The following FREM3 variants were observed in gnomAD, a reference collection of about 807,000 sequenced individuals.
The protein encoded by FREM3 is FRAS1 related extracellular matrix 3.
In FREM3, 105 loss-of-function variants were observed where a neutral mutation model predicts 129.1. That is an observed-to-expected ratio of 0.81 (90% CI 0.69 to 0.96). The LOEUF is 0.96. Among genes scored for constraint, FREM3 ranks in the 40% least tolerant of loss-of-function variants. FREM3 has a pLI of 0.00. For missense variants in FREM3, 2,593 were observed against 2,666.3 expected (o/e 0.97, Z 0.61); for synonymous variants, 1,014 against 1,044.9 (o/e 0.97, Z 0.57).
chr4:143,696,058 A>T lies in FREM3; in HGVS notation c.4618T>A (p.Leu1540Met), dbSNP rs746434901. The change falls in exon 1 of 8, where the codon TTG becomes ATG. Residue 1540 changes from leucine to methionine, a missense_variant. Physicochemically the swap from Leu to Met is conservative, Grantham distance 15. Around this residue, in one of 2 missense-constraint regions of FREM3, gnomAD observed 2,276 missense variants for 2,267.2 expected, o/e 1.00. Transcript: ENST00000329798. ...TGTAGTGTTAGTCTATGGATGGTCAAGATAGGTTTCTTATTATCCACATCA... is the reference window on the plus strand; with the variant it reads ...TGTAGTGTTAGTCTATGGATGGTCATGATAGGTTTCTTATTATCCACATCA... ...ITDVDNKKPI[L>M]TIHRLTLQKE... 1.2e-4 allele frequency: 184 copies of T among 1,537,572 alleles called. No homozygotes were observed. Among genetic ancestry groups the T allele is most frequent in the Non-Finnish European group, 1.5e-4 (177 of 1,147,018 alleles).
chr4:143,663,271 C>A (rs548294858), intron 2 of FREM3, among the ~76,000 whole-genome samples: 103 of 152,176 alleles, frequency 6.8e-4, no homozygotes, highest in African/African-American at 2.3e-3. Flanking sequence ...TCTTTTAGGG[C>A]AGGCCTGGTG....
intron 5 of FREM3, among the ~76,000 whole-genome samples, chr4:143,616,434 T>C (rs1250259239): frequency 2.0e-5 from 3 of 152,174 alleles, no homozygotes; most frequent in Non-Finnish European, 4.4e-5. Flanking sequence ...GAGAATCTTT[T>C]TTAAAAGGAA....
chr4:143,700,002 C>A lies in FREM3; in HGVS notation c.674G>T (p.Arg225Leu), dbSNP rs954380930. Residue 225 changes from arginine (R) to leucine (L), a missense_variant, in exon 1 of 8, where the codon CGC (arginine) becomes CTC (leucine). Physicochemically the swap from Arg to Leu is moderately radical, Grantham distance 102. This residue lies in a region of FREM3 where 2,276 missense variants were observed against 2,267.2 expected (regional missense o/e 1.00). Coordinates refer to ENST00000329798, the MANE Select transcript of FREM3 (RefSeq NM_001168235.2). ...HEDGPLPKYGRLVDAVGAPLP... is the reference protein window; with the variant it reads ...HEDGPLPKYGLLVDAVGAPLP... ...AGGGGCCCCCACCGCGTCCACCAAG[C>A]GCCCGTACTTGGGCAGGGGGCCGTC... 2.7e-6 allele frequency: 4 copies of A among 1,501,882 alleles called. No individual in the cohort carries two copies. In the South Asian group the frequency reaches 3.8e-5, roughly 14 times the overall value. 93.0% of individuals were successfully genotyped at this position (1,501,882 alleles called of 1,614,324 possible).
rs1024207090 is a variant in FREM3 at position 143,700,530 on chromosome 4, C to G, written c.146G>C (p.Arg49Pro). 44 of 1,519,140 alleles carry G rather than the reference C, an allele frequency of 2.9e-5. No individual in the cohort carries two copies. Among genetic ancestry groups the G allele is most frequent in the Non-Finnish European group, 3.6e-5 (41 of 1,136,788 alleles). 94.1% of individuals were successfully genotyped at this position (1,519,140 alleles called of 1,614,324 possible). ...GGGGCGAGTGCCGTCAAGCGCACCC[C>G]GGGCGGGCAGGTAAAGCGCCGGGTC... ...EPDPALYLPA[R>P]GALDGTRPDG... is the part of the protein sequence containing the mutation. Residue 49 changes from arginine (R) to proline (P), a missense_variant, in exon 1 of 8, where the codon CGG becomes CCG. By Grantham distance (103) the Arg-to-Pro change is moderately radical (BLOSUM62 -2). Around this residue, in one of 2 missense-constraint regions of FREM3, gnomAD observed 2,276 missense variants for 2,267.2 expected, o/e 1.00. Coordinates refer to ENST00000329798, the MANE Select transcript of FREM3 (RefSeq NM_001168235.2).
At chr4:143,682,504 G>A (rs1740272372) in intron 2 of FREM3, among the ~76,000 whole-genome samples, 1 of 152,206 alleles carries the variant, frequency 6.6e-6, no homozygotes, top group African/African-American at 2.4e-5. Context: ...GACCCAAGAA[G>A]ATTCTGTATC....
At chr4:143,679,544 A>G (rs966040761) in intron 2 of FREM3, among the ~76,000 whole-genome samples, 1 of 152,242 alleles carries the variant, frequency 6.6e-6, no homozygotes, top group Admixed American at 6.5e-5. Context: ...TAAATCACAC[A>G]AAGGGAAAAT....
chr4:143,665,175 C>T (rs1578859033), intron 2 of FREM3, among the ~76,000 whole-genome samples: 2 of 152,230 alleles, frequency 1.3e-5, no homozygotes, highest in African/African-American at 4.8e-5. Flanking sequence ...CACCCGTCTT[C>T]TGCGTTGCTC....
chr4:143,592,745 T>G (rs571230628), intron 6 of FREM3, among the ~76,000 whole-genome samples: 3 of 152,182 alleles, frequency 2.0e-5, no homozygotes, highest in African/African-American at 7.2e-5. Flanking sequence ...CAAGGAGTAT[T>G]TGTGGCATTC....
intron 2 of FREM3, among the ~76,000 whole-genome samples, chr4:143,663,629 C>A (rs1739787177): frequency 6.6e-6 from 1 of 152,040 alleles, no homozygotes; most frequent in African/African-American, 2.4e-5. Flanking sequence ...TGAATGCTGG[C>A]CTGCCTTTCT....
chr4:143,696,635 A>G lies in FREM3; in HGVS notation c.4041T>C (p.His1347=). ...GTAGAAGCCCTTGTTGAGGCCCAGA[A>G]TGGAGGACAAAACTGAGGCTTTTAT... is the stretch of plus-strand genomic sequence containing the variant. ...SDDKSLSFVL[H]SGPQQGLLQR... is the part of the protein sequence containing the mutation. Residue 1347 remains histidine, a synonymous_variant, in exon 1 of 8, where the codon CAT becomes CAC. Coordinates refer to ENST00000329798, the MANE Select transcript of FREM3 (RefSeq NM_001168235.2). 2 of 1,537,858 alleles carry G rather than the reference A, an allele frequency of 1.3e-6. No individual in the cohort carries two copies. The highest frequency in any genetic ancestry group is 1.7e-6 in the Non-Finnish European group (2 of 1,147,046).
Position 143,624,134 on chromosome 4 carries a change from G to T in FREM3, c.5627C>A (p.Thr1876Lys). 6.5e-7 allele frequency: 1 copy of T among 1,534,484 alleles called. No individual in the cohort carries two copies. Among genetic ancestry groups the T allele is most frequent in the Non-Finnish European group, 8.7e-7 (1 of 1,144,468 alleles). ...ATCTCCAGGGTCTACAATTTCAACC[G>T]TTGCCATTTCTGGAAACTCCAGTAC... ...MAVLEFPEMA[T>K]VEIVDPGDES... The change falls in exon 4 of 8, where the codon ACG becomes AAG. Residue 1876 changes from threonine to lysine, a missense_variant. This residue lies in a region of FREM3 where 317 missense variants were observed against 399.0 expected (regional missense o/e 0.79). Coordinates refer to ENST00000329798, the MANE Select transcript of FREM3 (RefSeq NM_001168235.2).
At chr4:143,598,565 C>A (rs1328869240) in intron 6 of FREM3, among the ~76,000 whole-genome samples, 1 of 152,106 alleles carries the variant, frequency 6.6e-6, no homozygotes, top group African/African-American at 2.4e-5. Context: ...CTCTTCTCCT[C>A]CTTCCTCAAA....
intron 2 of FREM3, among the ~76,000 whole-genome samples, chr4:143,629,982 G>A (rs1306678004): frequency 3.9e-5 from 6 of 152,158 alleles, no homozygotes; most frequent in African/African-American, 7.2e-5. Context: ...AGTGAGAAGG[G>A]TTTAACAATT....
intron 6 of FREM3, chr4:143,602,054 G>A (rs528701488): frequency 1.1e-4 from 17 of 152,142 alleles, no homozygotes; most frequent in South Asian, 2.1e-4. Flanking sequence ...ACATGCTTTC[G>A]TTACAAGATG....
intron 2 of FREM3, among the ~76,000 whole-genome samples, chr4:143,645,753 T>A (rs1179906766): frequency 6.6e-6 from 1 of 152,218 alleles, no homozygotes; most frequent in Non-Finnish European, 1.5e-5. Flanking sequence ...TCAATCTATC[T>A]ACTTATCTAT....
chr4:143,660,247 A>T lies in FREM3; in HGVS notation c.5276-32487T>A, dbSNP rs557608881. 7.7e-4 allele frequency among the ~76,000 whole-genome samples: 117 copies of T among 151,734 alleles called. No individual in the cohort carries two copies. In the East Asian group the frequency reaches 0.02, roughly 26 times the overall value. On this transcript the variant is annotated intron_variant, in intron 2 of 7. Transcript: ENST00000329798. ...ACATTTAAGTCTTTAATCCATCTTG[A>T]ATTAATTTTTGTATAAGGTGTAAGG...
chr4:143,696,580 T>C lies in FREM3; in HGVS notation c.4096A>G (p.Arg1366Gly). Reference protein sequence around the residue: ...QRLRKPRGEVRNNLTLGMNFT... With the variant: ...QRLRKPRGEVGNNLTLGMNFT... ...TTCATTCCCAGAGTAAGATTGTTCC[T>C]CACTTCTCCTCTGGGTTTTCTCAGC... Residue 1366 changes from arginine (R) to glycine (G), a missense_variant, in exon 1 of 8, where the codon AGG becomes GGG. Around this residue, in one of 2 missense-constraint regions of FREM3, gnomAD observed 2,276 missense variants for 2,267.2 expected, o/e 1.00. Coordinates refer to ENST00000329798, the MANE Select transcript of FREM3 (RefSeq NM_001168235.2). The C allele has an allele frequency of 6.5e-7, 1 of 1,537,556 alleles. No individual in the cohort carries two copies. Among genetic ancestry groups the C allele is most frequent in the Non-Finnish European group, 8.7e-7 (1 of 1,146,968 alleles).
At chr4:143,615,127 G>T (rs1316369817) in intron 5 of FREM3, among the ~76,000 whole-genome samples, 1 of 152,134 alleles carries the variant, frequency 6.6e-6, no homozygotes, top group Non-Finnish European at 1.5e-5. Context: ...ACACTAAAGG[G>T]TAATTAAATC....
rs1320254967 is a variant in FREM3, at chr4:143,697,308, G to A, written c.3368C>T (p.Ser1123Leu). The change falls in exon 1 of 8, where the codon TCA becomes TTA. Residue 1123 changes from serine (S) to leucine (L), a missense_variant. This residue lies in a region of FREM3 where 2,276 missense variants were observed against 2,267.2 expected (regional missense o/e 1.00). Transcript: ENST00000329798. Reference protein sequence around the residue: ...PASGYLEKIASAPGSKMSQSG... With the variant: ...PASGYLEKIALAPGSKMSQSG... ...CTGGGACATTTTTGAACCAGGAGCT[G>A]ATGCAATCTTTTCCAGGTAGCCAGA... is the stretch of plus-strand genomic sequence containing the variant. 6.5e-7 allele frequency: 1 copy of A among 1,537,262 alleles called. No homozygotes were observed. Among genetic ancestry groups the A allele is most frequent in the Admixed American group, 2.0e-5 (1 of 50,998 alleles).
Sources: allele counts gnomAD v4.1 joint callset (sites outside exome capture counted in the v4.1 genomes callset), GRCh38; gene constraint gnomAD v4.1.1; regional missense constraint gnomAD v4.1.1; transcripts MANE v1.5; gene names NCBI Gene and HGNC (gene_info 2026-07-23, HGNC 2026-07-21).